The following SUMF1 variants were observed in gnomAD, a reference collection of about 807,000 sequenced individuals.
The protein encoded by SUMF1 is formylglycine-generating enzyme.
SUMF1 carries 48 observed loss-of-function variants against 47.6 expected under a neutral mutation model. That is an observed-to-expected ratio of 1.01 (90% CI 0.80 to 1.28). The LOEUF (loss-of-function observed/expected upper bound fraction) is 1.28. Ranked by LOEUF, SUMF1 falls within the 50% of genes most tolerant of loss-of-function variation. SUMF1 has a pLI of 0.00. For synonymous variants in SUMF1, 230 were observed against 192.1 expected (o/e 1.20, Z -1.63); for missense variants, 571 against 485.4 (o/e 1.18, Z -1.66).
intron 3 of SUMF1, among the ~76,000 whole-genome samples, chr3:4,430,726 T>G (rs1344243523): frequency 6.6e-6 from 1 of 152,064 alleles, no homozygotes; most frequent in African/African-American, 2.4e-5. Flanking sequence ...CTGTTCTAAG[T>G]ACTGTGGCCA....
downstream of SUMF1, among the ~76,000 whole-genome samples, chr3:4,357,308 C>T (rs552549845): frequency 1.1e-3 from 139 of 129,162 alleles, no homozygotes; most frequent in African/African-American, 5.0e-3. Flanking sequence ...ACTATGTTTA[C>T]GGTGGTTTTT....
chr3:4,147,610 T>G (rs1418122252), intron 8 of SUMF1, among the ~76,000 whole-genome samples: 1 of 152,106 alleles, frequency 6.6e-6, no homozygotes, highest in Non-Finnish European at 1.5e-5. Flanking sequence ...ATTTTGAAAA[T>G]GACAAAAGCT....
chr3:4,297,391 A>G (rs1471852444), intron 8 of SUMF1, among the ~76,000 whole-genome samples: 10 of 151,980 alleles, frequency 6.6e-5, no homozygotes, highest in African/African-American at 2.4e-4. Flanking sequence ...CTTGGTATCT[A>G]CTGGTGTCAG....
At chr3:4,381,924 T>C (rs28478870) in intron 7 of SUMF1, among the ~76,000 whole-genome samples, 35,007 of 151,984 alleles carry the variant, frequency 0.23, 4,333 homozygotes, top group African/African-American at 0.31. Context: ...GGCACGCCTG[T>C]AGTCTCAGCT....
At chr3:4,214,129 C>G (rs987089507) in intron 8 of SUMF1, among the ~76,000 whole-genome samples, 1 of 152,142 alleles carries the variant, frequency 6.6e-6, no homozygotes, top group African/African-American at 2.4e-5. Context: ...CCACATCACA[C>G]TTATTCTAAA....
chr3:4,353,374 T>A (rs1206054375), intron 8 of SUMF1, among the ~76,000 whole-genome samples: 1 of 152,104 alleles, frequency 6.6e-6, no homozygotes, highest in Non-Finnish European at 1.5e-5. Context: ...TGCCTCAGCC[T>A]CCCGAGTAGC....
intron 6 of SUMF1, among the ~76,000 whole-genome samples, chr3:4,413,655 T>A (rs1163461834): frequency 6.6e-6 from 1 of 151,874 alleles, no homozygotes; most frequent in African/African-American, 2.4e-5. Context: ...AAGCCAAAAT[T>A]AATCATTGTG....
chr3:4,437,931 T>C (rs1055811371), intron 3 of SUMF1, among the ~76,000 whole-genome samples: 1 of 151,928 alleles, frequency 6.6e-6, no homozygotes, highest in East Asian at 1.9e-4. Context: ...AGGGCAAGAC[T>C]GTCTCAAAAC....
At chr3:4,335,432 G>A (rs1369415270) in intron 8 of SUMF1, among the ~76,000 whole-genome samples, 1 of 152,166 alleles carries the variant, frequency 6.6e-6, no homozygotes, top group Non-Finnish European at 1.5e-5. Context: ...CCCCAAATCA[G>A]CCTCTTACCT....
In SUMF1 at chr3:4,267,889, T is replaced by C. The variant is rs549628810; in HGVS notation, c.1014+108441A>G. Among the ~76,000 whole-genome samples, 87 of 150,350 alleles carry C rather than the reference T, an allele frequency of 5.8e-4. 1 individual carries two copies. Among genetic ancestry groups the C allele is most frequent in the African/African-American group, 2.1e-3 (86 of 40,722 alleles). ...GACCCAGCCATCCCATTACTGGGTA[T>C]ATACCCAAAGGACTATAAATCATGC... On this transcript the variant is annotated intron_variant and NMD_transcript_variant, in intron 8 of 12. Transcript: ENST00000448413.
At chr3:4,118,743 C>T (rs1693475166) in intron 8 of SUMF1, among the ~76,000 whole-genome samples, 1 of 152,032 alleles carries the variant, frequency 6.6e-6, no homozygotes, top group South Asian at 2.1e-4. Context: ...GACCACTCCC[C>T]AACCCTCCCT....
chr3:4,377,547 T>A (rs1174383378), intron 7 of SUMF1, among the ~76,000 whole-genome samples: 2 of 152,166 alleles, frequency 1.3e-5, no homozygotes, highest in East Asian at 3.9e-4. Context: ...AATTAGGCAA[T>A]GCTTAAAAGG....
chr3:4,431,774 G>A (rs1702240170), intron 3 of SUMF1, among the ~76,000 whole-genome samples: 2 of 152,202 alleles, frequency 1.3e-5, no homozygotes, highest in South Asian at 4.1e-4. Context: ...TGCTAGCAAG[G>A]TATCTCCGGC....
intron 9 of SUMF1, among the ~76,000 whole-genome samples, chr3:4,039,090 C>G (rs953764016): frequency 6.7e-6 from 1 of 150,118 alleles, no homozygotes; most frequent in South Asian, 2.1e-4. Flanking sequence ...TTTTATAGTT[C>G]AAGTAGAAAA....
At chr3:4,236,026 T>C (rs1430051729) in intron 8 of SUMF1, among the ~76,000 whole-genome samples, 1 of 152,050 alleles carries the variant, frequency 6.6e-6, no homozygotes, top group East Asian at 1.9e-4. Flanking sequence ...CACCATAACC[T>C]CTACCTACCT....
At chr3:4,436,864 AT>A (rs200787260) in intron 3 of SUMF1, among the ~76,000 whole-genome samples, 48,146 of 105,028 alleles carry the variant, frequency 0.46, 8,627 homozygotes, top group Non-Finnish European at 0.57. Context: ...AAAAAAAAAA[AT>A]ACAAAAAACA....
At chr3:4,105,219 G>A (rs1246385885) in intron 8 of SUMF1, among the ~76,000 whole-genome samples, 1 of 152,116 alleles carries the variant, frequency 6.6e-6, no homozygotes, top group Non-Finnish European at 1.5e-5. Flanking sequence ...CTGGTTTCCA[G>A]GGTCTGGGAG....
intron 7 of SUMF1, among the ~76,000 whole-genome samples, chr3:4,396,596 G>T (rs777171233): frequency 6.6e-6 from 1 of 152,132 alleles, no homozygotes; most frequent in Non-Finnish European, 1.5e-5. Context: ...CATTTGATGT[G>T]AGCTGGTGGA....
chr3:4,275,243 T>C (rs976380207), intron 8 of SUMF1, among the ~76,000 whole-genome samples: 10 of 152,294 alleles, frequency 6.6e-5, no homozygotes, highest in Non-Finnish European at 7.3e-5. Context: ...AACACAGTTT[T>C]AGTTTGTTGA....
Sources: gnomAD v4.1 joint callset for allele counts (sites outside exome capture counted in the v4.1 genomes callset) on GRCh38, gnomAD v4.1.1 for gene constraint, MANE v1.5 for transcripts, NCBI Gene and HGNC (gene_info 2026-07-23, HGNC 2026-07-21) for gene names.